Variants in MAPK9 observed in about 807,000 individuals in gnomAD.
MAPK9 encodes the protein Jun kinase.
In MAPK9, 30 loss-of-function variants were observed where a neutral mutation model predicts 57.1. That is an observed-to-expected ratio of 0.53 (90% CI 0.39 to 0.71). The LOEUF (loss-of-function observed/expected upper bound fraction) is 0.71, where lower values mean the gene tolerates loss of function less well. Among genes scored for constraint, MAPK9 ranks in the 30% least tolerant of loss-of-function variants. The pLI is 0.00. For synonymous variants in MAPK9, 155 were observed against 177.0 expected, an observed-to-expected ratio of 0.88 and a Z score of 0.99; for missense variants, 362 against 521.0, an observed-to-expected ratio of 0.69 and a Z score of 2.97.
chr5:180,247,408 A>G lies in MAPK9; in HGVS notation c.688+31T>C. The G allele has an allele frequency of 6.2e-7, 1 of 1,614,182 alleles. No homozygotes were observed. The highest frequency in any genetic ancestry group is 8.5e-7 in the Non-Finnish European group (1 of 1,180,006). On this transcript the variant is annotated intron_variant, in intron 7 of 11. Transcript: ENST00000452135. This position sits in a 1 kb window ranked among gnomAD's most constrained non-coding sequence, Gnocchi z 4.5. ...ATGCTGCCTGAGGCATTAAGAAAGC[A>G]TGGCGGGGCCAAGGTCGCGGGGAAG...
intron 1 of MAPK9, among the ~76,000 whole-genome samples, chr5:180,290,032 A>T (rs993170534): frequency 1.2e-3 from 43 of 36,320 alleles, no homozygotes; most frequent in Non-Finnish European, 1.1e-3. Context: ...ATTTCTTAAA[A>T]TTTTTTGTAG....
chr5:180,256,955 A>T (rs1759354477), intron 5 of MAPK9, among the ~76,000 whole-genome samples: 1 of 152,258 alleles, frequency 6.6e-6, no homozygotes, highest in Non-Finnish European at 1.5e-5. Flanking sequence ...ACCTTAAATT[A>T]TATGAAGGTC....
intron 1 of MAPK9, among the ~76,000 whole-genome samples, chr5:180,289,165 T>C (rs546568407): frequency 1.1e-4 from 17 of 152,334 alleles, no homozygotes; most frequent in Non-Finnish European, 1.5e-5. Context: ...TGAAAACAAC[T>C]GGTTTACTCG....
chr5:180,253,963 CT>C (rs5873681), intron 5 of MAPK9, among the ~76,000 whole-genome samples: 36 of 109,354 alleles, frequency 3.3e-4, no homozygotes, highest in East Asian at 2.8e-3. Flanking sequence ...GCTTCAATCT[CT>C]TTTTTTTTTT....
At position 180,262,766 on chromosome 5, in the gene MAPK9, G is replaced by T. The variant is rs1344183744; in HGVS notation, c.312-944C>A. 5.9e-5 allele frequency among the ~76,000 whole-genome samples: 9 copies of T among 152,126 alleles called. No individual in the cohort carries two copies. In the East Asian group the frequency reaches 1.7e-3, roughly 30 times the overall value. On this transcript the variant is annotated intron_variant, in intron 4 of 11. Coordinates refer to ENST00000452135, the MANE Select transcript of MAPK9 (RefSeq NM_002752.5). Reference sequence around the variant, plus strand: ...CCCATTTTTTTCTTAATCCCACTTGGATCAGGTTTGTGCAGCCACCATTCT... The same window carrying T: ...CCCATTTTTTTCTTAATCCCACTTGTATCAGGTTTGTGCAGCCACCATTCT...
In MAPK9 at chr5:180,247,203, G is replaced by A. The variant is rs992713761; in HGVS notation, c.688+236C>T. The A allele has an allele frequency of 5.4e-6, 3 of 553,328 alleles. No homozygotes were observed. Among genetic ancestry groups the A allele is most frequent in the African/African-American group, 1.9e-5 (1 of 52,588 alleles). 34.3% of individuals were successfully genotyped at this position (553,328 alleles called of 1,614,324 possible). Reference sequence around the variant, plus strand: ...GGCAAAATTAAGAGCTAATATAATCGGTTTAACTGAACTCTAAGTCTCAAA... The same window carrying A: ...GGCAAAATTAAGAGCTAATATAATCAGTTTAACTGAACTCTAAGTCTCAAA... On this transcript the variant is annotated intron_variant, in intron 7 of 11. Transcript: ENST00000452135. The surrounding 1 kb of genome is among the most constrained non-coding windows in gnomAD (Gnocchi z 4.5).
chr5:180,283,132 G>A (rs960327722), intron 1 of MAPK9, among the ~76,000 whole-genome samples: 78 of 152,062 alleles, frequency 5.1e-4, no homozygotes, highest in Admixed American at 1.5e-3. Context: ...TCCCTTCCTC[G>A]CTTTCATAAG....
chr5:180,281,449 G>A (rs1434486455), intron 1 of MAPK9, among the ~76,000 whole-genome samples: 1 of 152,242 alleles, frequency 6.6e-6, no homozygotes, highest in African/African-American at 2.4e-5. Flanking sequence ...AAATTGGCAA[G>A]TGGTTCCTAG....
chr5:180,276,725 A>G (rs35685376), intron 2 of MAPK9, among the ~76,000 whole-genome samples: 3 of 152,084 alleles, frequency 2.0e-5, no homozygotes, highest in African/African-American at 7.2e-5. Flanking sequence ...GTGGTGGCGC[A>G]CACCTGTAAT....
intron 7 of MAPK9, chr5:180,246,121 A>C (rs1266747343): frequency 2.6e-5 from 4 of 152,274 alleles, no homozygotes; most frequent in African/African-American, 9.6e-5. Context: ...TTTTGTAATA[A>C]AACAAGGAAT....
In MAPK9 at chr5:180,241,051, C is replaced by G; in HGVS notation, c.976G>C (p.Asp326His). The G allele has an allele frequency of 3.7e-6, 6 of 1,613,100 alleles. No homozygotes were observed. Among genetic ancestry groups the G allele is most frequent in the Non-Finnish European group, 5.1e-6 (6 of 1,179,626 alleles). Residue 326 changes from aspartate to histidine, a missense_variant, in exon 9 of 12, where the codon GAC (aspartate) becomes CAC (histidine). Coordinates refer to ENST00000452135, the MANE Select transcript of MAPK9 (RefSeq NM_002752.5). Reference protein sequence around the residue: ...LRHPYITVWYDPAEAEAPPPQ... With the variant: ...LRHPYITVWYHPAEAEAPPPQ... The stretch of plus-strand genomic sequence containing the variant: ...CTCACGGCTTCTGCTTCGGCGGGGT[C>G]ATACCAAACAGTGATGTATGGGTGA...
At chr5:180,243,321 G>A (rs1369196101) in intron 7 of MAPK9, among the ~76,000 whole-genome samples, 1 of 152,182 alleles carries the variant, frequency 6.6e-6, no homozygotes, top group Admixed American at 6.5e-5. Context: ...CCTAGGTAAT[G>A]CATTTTATTT....
At chr5:180,289,259 T>C (rs935162595) in intron 1 of MAPK9, among the ~76,000 whole-genome samples, 5 of 152,222 alleles carry the variant, frequency 3.3e-5, no homozygotes, top group Non-Finnish European at 5.9e-5. Flanking sequence ...ATCCCCTCTG[T>C]TGTTTATTTA....
intron 2 of MAPK9, among the ~76,000 whole-genome samples, chr5:180,278,914 A>G (rs1287512083): frequency 6.6e-6 from 1 of 151,856 alleles, no homozygotes; most frequent in East Asian, 1.9e-4. Flanking sequence ...TTCCATTACC[A>G]TCAAAGTTTC....
Position 180,234,097 on chromosome 5 carries a change from C to G in MAPK9, c.*2287G>C, listed in dbSNP as rs773448443. 2.0e-5 allele frequency: 3 copies of G among 152,172 alleles called. No homozygotes were observed. Among genetic ancestry groups the G allele is most frequent in the African/African-American group, 4.8e-5 (2 of 41,434 alleles). 9.4% of individuals were successfully genotyped at this position (152,172 alleles called of 1,614,324 possible). ...AGTCAACAAATGAAACAAACCTAGT[C>G]TAAATTCCAGGATAATAGTAAATTA... On this transcript the variant is annotated 3_prime_UTR_variant, in exon 12 of 12. Transcript: ENST00000452135.
intron 2 of MAPK9, among the ~76,000 whole-genome samples, chr5:180,275,470 G>A (rs749582354): frequency 9.2e-5 from 14 of 152,078 alleles, no homozygotes; most frequent in Non-Finnish European, 1.8e-4. Flanking sequence ...AGAGGGCCCT[G>A]GACTCTCATC....
At chr5:180,275,683 AAT>A (rs1490894566) in intron 2 of MAPK9, among the ~76,000 whole-genome samples, 2 of 152,186 alleles carry the variant, frequency 1.3e-5, no homozygotes, top group African/African-American at 4.8e-5. Flanking sequence ...GGACAGTGGG[AAT>A]GTTGGCAGAA....
chr5:180,270,858 CAAA>C (rs761904802), intron 2 of MAPK9, among the ~76,000 whole-genome samples: 2 of 83,038 alleles, frequency 2.4e-5, no homozygotes, highest in African/African-American at 4.8e-5. Flanking sequence ...CCCAGGGTCT[CAAA>C]AAAAAAAAAA....
intron 10 of MAPK9, 82 bp downstream of exon 10, chr5:180,239,842 A>G (rs1757505053): frequency 7.3e-7 from 1 of 1,370,692 alleles, no homozygotes. Context: ...CCTGAAGGGA[A>G]ATGTCACAAA....
Sources: allele counts gnomAD v4.1 joint callset (sites outside exome capture counted in the v4.1 genomes callset), GRCh38; gene constraint gnomAD v4.1.1; non-coding constraint Gnocchi (gnomAD v3.1); transcripts MANE v1.5; gene names NCBI Gene and HGNC (gene_info 2026-07-23, HGNC 2026-07-21).